GABRB1: variants seen among roughly 807,000 people sequenced by gnomAD.
The protein encoded by GABRB1 is gamma-aminobutyric acid type A receptor subunit beta1.
Under a neutral mutation model 51.6 loss-of-function variants are expected in GABRB1, and 17 were observed. That is an observed-to-expected ratio of 0.33 (90% CI 0.23 to 0.49). GABRB1 has a LOEUF of 0.49. Among genes scored for constraint, GABRB1 ranks in the 20% least tolerant of loss-of-function variants. GABRB1 has a pLI of 0.99. For missense variants in GABRB1, 410 were observed against 600.6 expected, an observed-to-expected ratio of 0.68 and a Z score of 3.32; for synonymous variants, 247 against 218.9, an observed-to-expected ratio of 1.13 and a Z score of -1.14.
chr4:47,244,046 G>A lies in GABRB1; in HGVS notation c.462-76081G>A, dbSNP rs192331626. Reference sequence around the variant, plus strand: ...TGTCATAAATAGCTCTTATTATTTTGAGATATGTCCCATCAATACCTAGTT... The same window carrying A: ...TGTCATAAATAGCTCTTATTATTTTAAGATATGTCCCATCAATACCTAGTT... On this transcript the variant is annotated intron_variant, in intron 4 of 8. Coordinates refer to ENST00000295454, the MANE Select transcript of GABRB1 (RefSeq NM_000812.4). Among the ~76,000 whole-genome samples, 593 of 152,256 alleles carry A rather than the reference G, an allele frequency of 3.9e-3. 8 individuals carry two copies. The highest frequency in any genetic ancestry group is 0.022 in the Admixed American group (329 of 15,294).
chr4:47,319,269 C>T (rs765823474), intron 4 of GABRB1, among the ~76,000 whole-genome samples: 23 of 151,890 alleles, frequency 1.5e-4, no homozygotes, highest in Non-Finnish European at 3.1e-4. Flanking sequence ...TATATACATA[C>T]ACACACTGAT....
At chr4:47,355,770 T>C (rs138387112) in intron 5 of GABRB1, among the ~76,000 whole-genome samples, 91 of 152,348 alleles carry the variant, frequency 6.0e-4, no homozygotes, top group African/African-American at 2.1e-3. Context: ...AATTCTGCTA[T>C]ACACTTAAAT....
At chr4:47,021,578 T>A (rs951676554) in intron 1 of GABRB1, among the ~76,000 whole-genome samples, 6 of 152,208 alleles carry the variant, frequency 3.9e-5, no homozygotes, top group Non-Finnish European at 7.4e-5. Flanking sequence ...TTCTCTTGAA[T>A]ATTCCAACTT....
At chr4:47,033,665 CT>C (rs1725433655) in intron 3 of GABRB1, among the ~76,000 whole-genome samples, 1 of 151,890 alleles carries the variant, frequency 6.6e-6, no homozygotes, top group Non-Finnish European at 1.5e-5. Context: ...TTTAAGAATT[CT>C]TTTCTTTTCC....
At chr4:47,202,903 C>G (rs983916058) in intron 4 of GABRB1, among the ~76,000 whole-genome samples, 1 of 152,064 alleles carries the variant, frequency 6.6e-6, no homozygotes, top group Non-Finnish European at 1.5e-5. Flanking sequence ...ATAAAGGCCC[C>G]AGAGGACAGC....
intron 8 of GABRB1, among the ~76,000 whole-genome samples, chr4:47,423,550 A>G (rs1445633031): frequency 2.6e-5 from 4 of 152,216 alleles, no homozygotes; most frequent in Non-Finnish European, 4.4e-5. Flanking sequence ...GACACCTAAC[A>G]CTTCATCTCT....
chr4:47,195,465 A>ATT (rs1719643126), intron 4 of GABRB1, among the ~76,000 whole-genome samples: 1 of 79,724 alleles, frequency 1.3e-5, no homozygotes, highest in Non-Finnish European at 2.7e-5. Context: ...ATTAGATGAT[A>ATT]GATAGATAGA....
chr4:47,093,609 G>C (rs1577901750), intron 3 of GABRB1, among the ~76,000 whole-genome samples: 1 of 152,136 alleles, frequency 6.6e-6, no homozygotes, highest in East Asian at 1.9e-4. Context: ...ACTTATCACA[G>C]TCTGCAGTTA....
chr4:47,286,743 A>G (rs1322083752), intron 4 of GABRB1, among the ~76,000 whole-genome samples: 1 of 152,244 alleles, frequency 6.6e-6, no homozygotes, highest in East Asian at 1.9e-4. Context: ...GGCAGAATTC[A>G]TATGATGTGT....
chr4:47,242,480 T>C (rs1578027239), intron 4 of GABRB1, among the ~76,000 whole-genome samples: 1 of 152,356 alleles, frequency 6.6e-6, no homozygotes, highest in African/African-American at 2.4e-5. Flanking sequence ...CCACAATGGT[T>C]GAACTAGCTT....
At chr4:47,066,276 A>G (rs1394439981) in intron 3 of GABRB1, among the ~76,000 whole-genome samples, 1 of 152,224 alleles carries the variant, frequency 6.6e-6, no homozygotes, top group African/African-American at 2.4e-5. Context: ...GCTAATGATC[A>G]TCTTGCCTTG....
chr4:47,375,311 A>G (rs1727339808), intron 5 of GABRB1, among the ~76,000 whole-genome samples: 1 of 152,238 alleles, frequency 6.6e-6, no homozygotes, highest in South Asian at 2.1e-4. Flanking sequence ...TAGTTAGCGA[A>G]TCCAGTTACG....
chr4:47,401,636 G>C (rs17600596), intron 5 of GABRB1, among the ~76,000 whole-genome samples: 13,999 of 152,186 alleles, frequency 0.092, 698 homozygotes, highest in East Asian at 0.15. Context: ...ACTTCCTGCT[G>C]GGCTTAGGAG....
At chr4:47,313,748 C>T in intron 4 of GABRB1, among the ~76,000 whole-genome samples, 1 of 152,076 alleles carries the variant, frequency 6.6e-6, no homozygotes, top group East Asian at 1.9e-4. Context: ...ATTTCTATAG[C>T]CTAACATAGA....
At chr4:47,124,035 TG>T (rs1241010707) in intron 3 of GABRB1, among the ~76,000 whole-genome samples, 1 of 138,530 alleles carries the variant, frequency 7.2e-6, no homozygotes, top group South Asian at 2.2e-4. Flanking sequence ...TATATATACC[TG>T]AAAAAAATAT....
intron 4 of GABRB1, among the ~76,000 whole-genome samples, chr4:47,225,130 G>T (rs1720902728): frequency 1.3e-5 from 2 of 152,026 alleles, no homozygotes; most frequent in South Asian, 2.1e-4. Context: ...CCTGACCTCA[G>T]GTGATCCGCA....
chr4:47,310,720 G>C (rs912385756), intron 4 of GABRB1, among the ~76,000 whole-genome samples: 11 of 152,190 alleles, frequency 7.2e-5, no homozygotes, highest in Non-Finnish European at 8.8e-5. Flanking sequence ...AGTGGAAAAG[G>C]CTTCAACATA....
intron 3 of GABRB1, among the ~76,000 whole-genome samples, chr4:47,152,513 C>T (rs969921578): frequency 2.0e-5 from 3 of 152,006 alleles, no homozygotes; most frequent in Admixed American, 6.6e-5. Context: ...GCTCTATCCT[C>T]TTCTCACCTT....
chr4:47,076,479 G>A (rs1486004473), intron 3 of GABRB1, among the ~76,000 whole-genome samples: 1 of 152,070 alleles, frequency 6.6e-6, no homozygotes, highest in Non-Finnish European at 1.5e-5. Context: ...GCTCTTGGTG[G>A]CCAGACCAGA....
Sources: gnomAD v4.1 joint callset for allele counts (sites outside exome capture counted in the v4.1 genomes callset) on GRCh38, gnomAD v4.1.1 for gene constraint, MANE v1.5 for transcripts, NCBI Gene and HGNC (gene_info 2026-07-23, HGNC 2026-07-21) for gene names.